The following ECE1 variants were observed in gnomAD, a reference collection of about 807,000 sequenced individuals.
The protein encoded by ECE1 is endothelin-converting enzyme 1.
ECE1 carries 35 observed loss-of-function variants against 98.6 expected under a neutral mutation model. That is an observed-to-expected ratio of 0.35 (90% confidence interval 0.27 to 0.47). The LOEUF is 0.47. Ranked by LOEUF, ECE1 falls within the 20% of genes least tolerant of loss-of-function variation. ECE1 has a pLI of 1.00. For missense variants in ECE1, 814 were observed against 1,025.3 expected (o/e 0.79, Z 2.81); for synonymous variants, 394 against 407.1 (o/e 0.97, Z 0.39).
chr1:21,246,836 T>A (rs1351495848), intron 9 of ECE1, among the ~76,000 whole-genome samples: 1 of 152,152 alleles, frequency 6.6e-6, no homozygotes, highest in African/African-American at 2.4e-5. Flanking sequence ...ATTTTTTATT[T>A]TTTGTAGAGA....
Position 21,260,162 on chromosome 1 carries a change from G to A in ECE1, c.615+109C>T, listed in dbSNP as rs2098224888. ...TTTCTGTCTTTCTCTTGGTGCTACCGGCTGGACGTATGAGGTGGGCCAGTG... is the reference window on the plus strand; with the variant it reads ...TTTCTGTCTTTCTCTTGGTGCTACCAGCTGGACGTATGAGGTGGGCCAGTG... On this transcript the variant is annotated intron_variant, in intron 5 of 18. Coordinates refer to ENST00000374893, the MANE Select transcript of ECE1 (RefSeq NM_001397.3). This position sits in a 1 kb window ranked among gnomAD's most constrained non-coding sequence, Gnocchi z 4.3. 16 of 1,495,324 alleles carry A rather than the reference G, an allele frequency of 1.1e-5. No homozygotes were observed. Among genetic ancestry groups the A allele is most frequent in the South Asian group, 5.6e-5 (5 of 88,538 alleles). 92.6% of individuals were successfully genotyped at this position (1,495,324 alleles called of 1,614,324 possible).
chr1:21,334,921 C>G (rs547551021), intron 1 of ECE1, among the ~76,000 whole-genome samples: 1 of 152,198 alleles, frequency 6.6e-6, no homozygotes, highest in Non-Finnish European at 1.5e-5. Context: ...TACACAGCAG[C>G]CAAGGTCTTT....
At chr1:21,246,006 T>G (rs1401188445) in intron 9 of ECE1, among the ~76,000 whole-genome samples, 7 of 152,136 alleles carry the variant, frequency 4.6e-5, no homozygotes, top group Non-Finnish European at 5.9e-5. Flanking sequence ...GGCTCACACC[T>G]GTAATCTTAG....
chr1:21,309,814 C>A (rs1374674804), intron 1 of ECE1, among the ~76,000 whole-genome samples: 2 of 132,108 alleles, frequency 1.5e-5, no homozygotes, highest in Non-Finnish European at 3.1e-5. Context: ...CGTTTTGAGA[C>A]GGAGTCTCGC....
chr1:21,301,891 T>C (rs1273917591), intron 1 of ECE1, among the ~76,000 whole-genome samples: 2 of 148,138 alleles, frequency 1.4e-5, no homozygotes, highest in African/African-American at 5.0e-5. Flanking sequence ...AGTTCTGTGA[T>C]GCCAGGCCCT....
rs183532307 is a variant in ECE1, at chr1:21,220,720, C to T, written c.2137-589G>A. On this transcript the variant is annotated intron_variant, in intron 18 of 18. Coordinates refer to ENST00000374893, the MANE Select transcript of ECE1 (RefSeq NM_001397.3). The surrounding 1 kb of genome is among the most constrained non-coding windows in gnomAD (Gnocchi z 5.0). Reference sequence around the variant, plus strand: ...ATGAGGCAGGAGAATCACTTGAACCCGGGAGGTTGAGGTTGCAGTGAGCCA... The same window carrying T: ...ATGAGGCAGGAGAATCACTTGAACCTGGGAGGTTGAGGTTGCAGTGAGCCA... Among the ~76,000 whole-genome samples the T allele has an allele frequency of 2.6e-5, 4 of 152,146 alleles. No homozygotes were observed. The highest frequency in any genetic ancestry group is 1.3e-4 in the Admixed American group (2 of 15,262).
Position 21,221,801 on chromosome 1 carries a change from C to G in ECE1, c.2082G>C (p.Ser694=). 6.2e-7 allele frequency: 1 copy of G among 1,614,178 alleles called. No individual in the cohort carries two copies. Among genetic ancestry groups the G allele is most frequent in the Non-Finnish European group, 8.5e-7 (1 of 1,180,030 alleles). ...TATTGGTGAGGCCCAGGGTGGGGAG[C>G]GAGTGCTCAGCCCCGTTCTTCTTCA... ...NWVKKNGAEH[S]LPTLGLTNNQ... is the part of the protein sequence containing the mutation. The change falls in exon 18 of 19, where the codon TCG becomes TCC. Residue 694 remains serine (S), a synonymous_variant. Coordinates refer to ENST00000374893, the MANE Select transcript of ECE1 (RefSeq NM_001397.3).
rs1027376707 is a variant in ECE1 at position 21,307,077 on chromosome 1, C to T, written c.4-16921G>A. Among the ~76,000 whole-genome samples the T allele has an allele frequency of 2.0e-5, 3 of 152,198 alleles. No homozygotes were observed. Among genetic ancestry groups the T allele is most frequent in the Admixed American group, 6.5e-5 (1 of 15,282 alleles). On this transcript the variant is annotated intron_variant, in intron 1 of 18. Transcript: ENST00000415912. This position sits in a 1 kb window ranked among gnomAD's most constrained non-coding sequence, Gnocchi z 4.2. Reference sequence around the variant, plus strand: ...TAGGATGACTGAGGTCCACCGAGGACTCCCTCGTCTCCCTGCACTCAAGAC... The same window carrying T: ...TAGGATGACTGAGGTCCACCGAGGATTCCCTCGTCTCCCTGCACTCAAGAC...
chr1:21,330,324 C>T (rs1639174236), intron 1 of ECE1, among the ~76,000 whole-genome samples: 1 of 149,368 alleles, frequency 6.7e-6, no homozygotes, highest in Non-Finnish European at 1.5e-5. Context: ...CAACCTCTGC[C>T]TCCCGGGTTC....
At chr1:21,292,921 C>T (rs12143165), upstream of ECE1, among the ~76,000 whole-genome samples, 13,508 of 152,232 alleles carry the variant, frequency 0.089, 696 homozygotes, top group African/African-American at 0.14. Flanking sequence ...GAGGCTGCTT[C>T]ACTTACTGCT....
intron 3 of ECE1, among the ~76,000 whole-genome samples, chr1:21,273,367 G>A (rs2098242811): frequency 6.6e-6 from 1 of 150,732 alleles, no homozygotes; most frequent in South Asian, 2.1e-4. Flanking sequence ...GTGTGTGTGT[G>A]TGTGTGTGTG....
rs1639386285 is a variant in ECE1, at chr1:21,340,941, C to CT, written c.3+4434_3+4435insA. Among the ~76,000 whole-genome samples the CT allele has an allele frequency of 1.3e-5, 1 of 74,840 alleles. No homozygotes were observed. Among genetic ancestry groups the CT allele is most frequent in the Non-Finnish European group, 2.5e-5 (1 of 40,664 alleles). 49.1% of individuals were successfully genotyped at this position (74,840 alleles called of 152,430 possible). On this transcript the variant is annotated intron_variant, in intron 1 of 18. Coordinates refer to the ECE1 transcript ENST00000415912. The surrounding 1 kb of genome is among the most constrained non-coding windows in gnomAD (Gnocchi z 4.6). Reference sequence around the variant, plus strand: ...ATATGACCATCCCTGAGTGCACCCTCCGGGCCACCTCCTAAGCACAGTCCT... The same window carrying CT: ...ATATGACCATCCCTGAGTGCACCCTCTCGGGCCACCTCCTAAGCACAGTCCT...
intron 3 of ECE1, among the ~76,000 whole-genome samples, chr1:21,273,691 C>T (rs1569601769): frequency 1.3e-5 from 2 of 152,226 alleles, no homozygotes; most frequent in Middle Eastern, 6.8e-3. Flanking sequence ...CGCCAGGTGC[C>T]GTGGCTCACG....
rs148607839 is a variant in ECE1, at chr1:21,245,266, T to C, written c.1164-163A>G. Among the ~76,000 whole-genome samples, 16 of 152,288 alleles carry C rather than the reference T, an allele frequency of 1.1e-4. No homozygotes were observed. The East Asian group carries it at 2.7e-3, about 26-fold the overall frequency. On this transcript the variant is annotated intron_variant, in intron 9 of 18. Coordinates refer to ENST00000374893, the MANE Select transcript of ECE1 (RefSeq NM_001397.3). Reference sequence around the variant, plus strand: ...GTTACTGCTCCCTAAGCACGTGCAATGTAAGCTCTTCAAGGGAAAAGCCTG... The same window carrying C: ...GTTACTGCTCCCTAAGCACGTGCAACGTAAGCTCTTCAAGGGAAAAGCCTG...
intron 5 of ECE1, among the ~76,000 whole-genome samples, chr1:21,259,322 C>T (rs937324053): frequency 6.6e-6 from 1 of 151,998 alleles, no homozygotes; most frequent in Non-Finnish European, 1.5e-5. Context: ...GGCTGAAGTG[C>T]AGTGGGGCCA....
chr1:21,299,211 A>G (rs1638433473), intron 1 of ECE1: 2 of 224,832 alleles, frequency 8.9e-6, no homozygotes, highest in Non-Finnish European at 9.3e-6. Flanking sequence ...TGTGTTACAC[A>G]GGTGAGTGGG....
At chr1:21,307,000 G>A (rs753092473) in intron 1 of ECE1, among the ~76,000 whole-genome samples, 2 of 152,106 alleles carry the variant, frequency 1.3e-5, no homozygotes, top group Non-Finnish European at 2.9e-5. Context: ...CCCTGCAACT[G>A]TGCCACAAAT....
intron 4 of ECE1, among the ~76,000 whole-genome samples, chr1:21,268,738 T>C (rs751577017): frequency 7.9e-5 from 12 of 152,212 alleles, no homozygotes; most frequent in Non-Finnish European, 1.3e-4. Context: ...CCGACGCCTG[T>C]TGGCTGACCC....
chr1:21,284,781 G>A (rs1438094265), intron 2 of ECE1, among the ~76,000 whole-genome samples: 1 of 152,234 alleles, frequency 6.6e-6, no homozygotes, highest in African/African-American at 2.4e-5. Context: ...TCAGAGTCAG[G>A]TCGGAAGGGA....
Sources: allele counts gnomAD v4.1 joint callset (sites outside exome capture counted in the v4.1 genomes callset), GRCh38; gene constraint gnomAD v4.1.1; non-coding constraint Gnocchi (gnomAD v3.1); transcripts MANE v1.5; gene names NCBI Gene and HGNC (gene_info 2026-07-23, HGNC 2026-07-21).